The following TENM3 variants were observed in gnomAD, a reference collection of about 807,000 sequenced individuals.
The protein encoded by TENM3 is teneurin transmembrane protein 3, also known as teneurin-3.
A neutral mutation model predicts 255.1 loss-of-function variants in TENM3; 63 were observed. That is an observed-to-expected ratio of 0.25 (90% CI 0.20 to 0.30). The LOEUF (loss-of-function observed/expected upper bound fraction) is 0.30, where lower values mean the gene tolerates loss of function less well. Ranked by LOEUF, TENM3 falls within the 10% of genes least tolerant of loss-of-function variation. The pLI is 1.00. For synonymous variants in TENM3, 1,306 were observed against 1,322.3 expected, an observed-to-expected ratio of 0.99 and a Z score of 0.27; for missense variants, 2,929 against 3,461.1, an observed-to-expected ratio of 0.85 and a Z score of 3.86.
the TENM3 span, among the ~76,000 whole-genome samples, chr4:181,924,569 G>A: frequency 6.6e-6 from 1 of 152,174 alleles, no homozygotes; most frequent in Non-Finnish European, 1.5e-5. Context: ...TTACTTGTTG[G>A]AGAACTGTTC....
chr4:181,570,419 T>C, the TENM3 span, among the ~76,000 whole-genome samples: 1 of 151,874 alleles, frequency 6.6e-6, no homozygotes, highest in African/African-American at 2.4e-5. Flanking sequence ...GAGGATCACT[T>C]GAGTTTTAGA....
chr4:181,474,301 G>A, the TENM3 span, among the ~76,000 whole-genome samples: 1 of 151,934 alleles, frequency 6.6e-6, no homozygotes, highest in African/African-American at 2.4e-5. Context: ...GTACCCCCCA[G>A]AACTTAAAGT....
At chr4:181,803,939 C>CAAAAAAAAAAAAAA in the TENM3 span, among the ~76,000 whole-genome samples, 1 of 117,560 alleles carries the variant, frequency 8.5e-6, no homozygotes, top group African/African-American at 3.2e-5. Context: ...ATTATCTCAA[C>CAAAAAAAAAAAAAA]AAAAAAAAAA....
intron 3 of TENM3, among the ~76,000 whole-genome samples, chr4:182,466,897 C>A (rs1053417384): frequency 2.0e-5 from 3 of 148,184 alleles, no homozygotes; most frequent in Non-Finnish European, 4.5e-5. Context: ...GGTTTAGATA[C>A]GTTAGAATTG....
At chr4:181,771,207 TAGAA>T in the TENM3 span, among the ~76,000 whole-genome samples, 1 of 151,988 alleles carries the variant, frequency 6.6e-6, no homozygotes, top group African/African-American at 2.4e-5. Context: ...TCTACAGAAA[TAGAA>T]AGAGAGGAAT....
chr4:182,162,865 C>T (rs575237577), intron 1 of TENM3, among the ~76,000 whole-genome samples: 17 of 152,266 alleles, frequency 1.1e-4, no homozygotes, highest in East Asian at 3.9e-4. Context: ...GCCTAATTCC[C>T]GTCGAAAGGC....
At chr4:181,810,666 T>C in the TENM3 span, among the ~76,000 whole-genome samples, 1 of 151,944 alleles carries the variant, frequency 6.6e-6, no homozygotes, top group African/African-American at 2.4e-5. Context: ...ATGAACAAAA[T>C]GTAGACAGAA....
the TENM3 span, among the ~76,000 whole-genome samples, chr4:181,449,832 G>C: frequency 1.3e-5 from 2 of 152,108 alleles, no homozygotes; most frequent in African/African-American, 2.4e-5. Context: ...ATATGATTAA[G>C]AAAGGAGTTA....
the TENM3 span, among the ~76,000 whole-genome samples, chr4:181,982,198 G>A: frequency 6.6e-6 from 1 of 152,150 alleles, no homozygotes; most frequent in Non-Finnish European, 1.5e-5. Context: ...TTCAGAGGAA[G>A]GAATTTCAGC....
In TENM3 at chr4:182,764,063, A is replaced by T. The variant is rs935175562; in HGVS notation, c.4892+8804A>T. 4.6e-5 allele frequency among the ~76,000 whole-genome samples: 7 copies of T among 152,374 alleles called. No homozygotes were observed. In the East Asian group the frequency reaches 1.3e-3, roughly 29 times the overall value. On this transcript the variant is annotated intron_variant, in intron 22 of 27. Coordinates refer to ENST00000511685, the MANE Select transcript of TENM3 (RefSeq NM_001080477.4). ...ATATGGGACTGGTCCAGGCAACACC[A>T]GCCTCTGAGGAAGCACAGTTTCCAA... is the stretch of plus-strand genomic sequence containing the variant.
the TENM3 span, among the ~76,000 whole-genome samples, chr4:181,663,339 A>T: frequency 2.0e-5 from 3 of 152,116 alleles, no homozygotes; most frequent in African/African-American, 7.2e-5. Context: ...ACATTCCCCT[A>T]TCTAACACGG....
At chr4:181,643,257 T>G in the TENM3 span, among the ~76,000 whole-genome samples, 1 of 152,196 alleles carries the variant, frequency 6.6e-6, no homozygotes, top group Admixed American at 6.5e-5. Context: ...GCTAGGTATT[T>G]TATTCTCTTT....
At chr4:182,277,347 G>C (rs543763041) in intron 1 of TENM3, among the ~76,000 whole-genome samples, 25 of 151,754 alleles carry the variant, frequency 1.6e-4, no homozygotes, top group South Asian at 1.5e-3. Context: ...GTAGAGTTGG[G>C]GGGTGGGGGT....
chr4:182,717,228 A>C (rs185363721), intron 13 of TENM3, among the ~76,000 whole-genome samples: 20 of 152,278 alleles, frequency 1.3e-4, no homozygotes, highest in Admixed American at 3.3e-4. Flanking sequence ...TCTGAATCTC[A>C]CTAAATAGGT....
intron 3 of TENM3, among the ~76,000 whole-genome samples, chr4:182,569,936 T>C (rs868224991): frequency 1.3e-5 from 2 of 152,210 alleles, no homozygotes; most frequent in African/African-American, 2.4e-5. Context: ...GTAGAGAATG[T>C]GCAGGTAGGA....
chr4:182,511,844 T>C (rs1737430756), intron 3 of TENM3, among the ~76,000 whole-genome samples: 1 of 152,202 alleles, frequency 6.6e-6, no homozygotes, highest in Non-Finnish European at 1.5e-5. Context: ...ATTGATTAAC[T>C]AGCAAGTGCT....
At chr4:182,552,094 G>A (rs555819135) in intron 3 of TENM3, among the ~76,000 whole-genome samples, 20 of 152,054 alleles carry the variant, frequency 1.3e-4, no homozygotes, top group Non-Finnish European at 1.8e-4. Flanking sequence ...TCAGCTTGGG[G>A]CCTGGCAGCA....
chr4:182,303,450 G>T (rs1561299384), intron 1 of TENM3, among the ~76,000 whole-genome samples: 2 of 152,150 alleles, frequency 1.3e-5, no homozygotes, highest in Non-Finnish European at 2.9e-5. Flanking sequence ...GAGCATCTTT[G>T]CTTTAAAAGC....
At chr4:182,070,857 C>G in the TENM3 span, among the ~76,000 whole-genome samples, 1 of 152,128 alleles carries the variant, frequency 6.6e-6, no homozygotes, top group African/African-American at 2.4e-5. Flanking sequence ...TTGGGGGTAC[C>G]TTTCCTCTAT....
Sources: gnomAD v4.1 joint callset for allele counts (sites outside exome capture counted in the v4.1 genomes callset) on GRCh38, gnomAD v4.1.1 for gene constraint, MANE v1.5 for transcripts, NCBI Gene and HGNC (gene_info 2026-07-23, HGNC 2026-07-21) for gene names.